The following NMT2 variants were observed in gnomAD, a reference collection of about 807,000 sequenced individuals.
NMT2 encodes glycylpeptide N-tetradecanoyltransferase 2.
In NMT2, 35 loss-of-function variants were observed where a neutral mutation model predicts 65.4. The observed-to-expected ratio is 0.54, with a 90% CI of 0.41 to 0.71. NMT2 has a LOEUF of 0.71. Ranked by LOEUF, NMT2 falls within the 30% of genes least tolerant of loss-of-function variation. The pLI is 0.00. For missense variants in NMT2, 489 were observed against 611.3 expected (o/e 0.80, Z 2.11); for synonymous variants, 226 against 231.8 (o/e 0.98, Z 0.23).
rs1213726863 is a variant in NMT2, at chr10:15,109,205, A to G, written c.1487T>C (p.Val496Ala). The stretch of plus-strand genomic sequence containing the variant: ...AATAAAAATATCCATCTATTGTAGT[A>G]CTAGTCCAACCTGAAGGGAGGGAAG... ...PGTDSEKVGLVLQ is the reference protein window; with the variant it reads ...PGTDSEKVGLALQ Residue 496 changes from valine (V) to alanine (A), a missense_variant, in exon 12 of 12, where the codon GTA (valine) becomes GCA (alanine). Physicochemically the swap from Val to Ala is moderately conservative, Grantham distance 64 (BLOSUM62 0). Coordinates refer to ENST00000378165, the MANE Select transcript of NMT2 (RefSeq NM_004808.3). The G allele has an allele frequency of 1.9e-6, 3 of 1,605,178 alleles. No individual in the cohort carries two copies. In the Admixed American group the frequency reaches 5.2e-5, roughly 28 times the overall value.
At position 15,117,792 on chromosome 10, in the gene NMT2, A is replaced by T. The variant is rs137962779; in HGVS notation, c.1170+1551T>A. 2.3e-3 allele frequency among the ~76,000 whole-genome samples: 358 copies of T among 152,348 alleles called. 2 individuals carry two copies. The highest frequency in any genetic ancestry group is 7.7e-3 in the African/African-American group (320 of 41,584). On this transcript the variant is annotated intron_variant, in intron 9 of 11. Transcript: ENST00000378165. Reference sequence around the variant, plus strand: ...ACACAACACCATTATAATCGCCCCAAAGAAAGTGAAATATCTAGCTATACA... The same window carrying T: ...ACACAACACCATTATAATCGCCCCATAGAAAGTGAAATATCTAGCTATACA...
intron 8 of NMT2, among the ~76,000 whole-genome samples, chr10:15,122,423 CT>C (rs1034503298): frequency 1.3e-3 from 189 of 145,384 alleles, no homozygotes; most frequent in Admixed American, 1.0e-3. Context: ...CTTTTACACT[CT>C]TTTTTTTTTT....
At chr10:15,127,508 C>A (rs191249084) in intron 8 of NMT2, among the ~76,000 whole-genome samples, 5,417 of 123,218 alleles carry the variant, frequency 0.044, 169 homozygotes, top group East Asian at 0.12. Context: ...GATCCCGCCA[C>A]TGCACTCCAG....
intron 3 of NMT2, among the ~76,000 whole-genome samples, chr10:15,134,413 C>T (rs901898397): frequency 3.3e-5 from 5 of 152,206 alleles, no homozygotes; most frequent in Non-Finnish European, 5.9e-5. Context: ...GCCCTCTGGT[C>T]CTCAAGGGAC....
rs186342379 is a variant in NMT2 at position 15,148,975 on chromosome 10, G to A, written c.111-7418C>T. Among the ~76,000 whole-genome samples, 167 of 152,214 alleles carry A rather than the reference G, an allele frequency of 1.1e-3. 3 individuals carry two copies. Among genetic ancestry groups the A allele is most frequent in the Admixed American group, 8.4e-3 (129 of 15,290 alleles). Reference sequence around the variant, plus strand: ...GAATATCAGAAGAACGTGAGGAAAGGGAACACTCACATGCTGTTGGTAAAA... The same window carrying A: ...GAATATCAGAAGAACGTGAGGAAAGAGAACACTCACATGCTGTTGGTAAAA... On this transcript the variant is annotated intron_variant, in intron 1 of 11. Coordinates refer to ENST00000378165, the MANE Select transcript of NMT2 (RefSeq NM_004808.3).
chr10:15,141,443 A>C lies in NMT2; in HGVS notation c.225T>G (p.Ile75Met), dbSNP rs753389856. The C allele has an allele frequency of 6.2e-7, 1 of 1,614,200 alleles. No individual in the cohort carries two copies. The highest frequency in any genetic ancestry group is 1.7e-5 in the Admixed American group (1 of 60,020). ...TCACTTTCGAAGGCTGCTGAATTTT[A>C]ATCTCCTGGGAATCAGATGCCGAGT... The part of the protein sequence containing the change: ...KSDSASDSQE[I>M]KIQQPSKNPS... The change falls in exon 2 of 12, where the codon ATT becomes ATG. Residue 75 changes from isoleucine to methionine, a missense_variant. Coordinates refer to ENST00000378165, the MANE Select transcript of NMT2 (RefSeq NM_004808.3).
chr10:15,112,390 G>GTTA, intron 10 of NMT2, among the ~76,000 whole-genome samples: 1 of 149,872 alleles, frequency 6.7e-6, no homozygotes, highest in Admixed American at 6.7e-5. Flanking sequence ...CACGAAGCCT[G>GTTA]GCTAACTTTT....
intron 2 of NMT2, chr10:15,138,541 T>C: frequency 2.2e-6 from 1 of 460,410 alleles, no homozygotes; most frequent in Non-Finnish European, 4.6e-6. Context: ...TATATTCTCT[T>C]TTTCTTCCAC....
Position 15,168,525 on chromosome 10 carries a change from C to T in NMT2, c.88G>A (p.Glu30Lys). ...DTCGIDGDNEEETEHAKGSPG... is the reference protein window; with the variant it reads ...DTCGIDGDNEKETEHAKGSPG... ...TACCCTTTGGCGTGCTCCGTCTCCTCCTCATTGTCCCCGTCTATCCCGCAC... is the reference window on the plus strand; with the variant it reads ...TACCCTTTGGCGTGCTCCGTCTCCTTCTCATTGTCCCCGTCTATCCCGCAC... The change falls in exon 1 of 12, where the codon GAG (glutamate) becomes AAG (lysine). Residue 30 changes from glutamate to lysine, a missense_variant. Glu to Lys is a moderately conservative substitution (Grantham distance 56, BLOSUM62 1). Coordinates refer to ENST00000378165, the MANE Select transcript of NMT2 (RefSeq NM_004808.3). 1 of 1,589,212 alleles carries T rather than the reference C, an allele frequency of 6.3e-7. No individual in the cohort carries two copies. The highest frequency in any genetic ancestry group is 8.5e-7 in the Non-Finnish European group (1 of 1,170,354).
chr10:15,124,777 T>C (rs908096228), intron 8 of NMT2, among the ~76,000 whole-genome samples: 3 of 152,256 alleles, frequency 2.0e-5, no homozygotes, highest in African/African-American at 7.2e-5. Flanking sequence ...AAGGGACTGC[T>C]GCCAGCACCT....
In NMT2 at chr10:15,130,123, A is replaced by G; in HGVS notation, c.890+19T>C. ...TTTTGATAAAGGGAGGACCTGAGGT[A>G]GAAATATGGTACTGGTACCTGCATG... On this transcript the variant is annotated intron_variant, in intron 7 of 11. Transcript: ENST00000378165. 1 of 1,438,434 alleles carries G rather than the reference A, an allele frequency of 7.0e-7. No homozygotes were observed. 89.1% of individuals were successfully genotyped at this position (1,438,434 alleles called of 1,614,324 possible).
intron 1 of NMT2, chr10:15,155,106 G>C (rs186835808): frequency 6.9e-7 from 1 of 1,446,018 alleles, no homozygotes; most frequent in Non-Finnish European, 9.7e-7. Flanking sequence ...CTTGCCACCA[G>C]TGCCATTATG....
intron 1 of NMT2, among the ~76,000 whole-genome samples, chr10:15,151,154 GT>G (rs1191710279): frequency 1.3e-5 from 2 of 151,466 alleles, no homozygotes. Context: ...CGCCTCCTGG[GT>G]TCAGGCAATT....
chr10:15,130,949 C>A (rs1399253508), intron 6 of NMT2, among the ~76,000 whole-genome samples: 1 of 151,800 alleles, frequency 6.6e-6, no homozygotes, highest in African/African-American at 2.4e-5. Context: ...GCCACCATGC[C>A]CAGCTCATTT....
intron 8 of NMT2, among the ~76,000 whole-genome samples, chr10:15,124,034 A>G (rs546588089): frequency 6.6e-6 from 1 of 152,318 alleles, no homozygotes; most frequent in East Asian, 1.9e-4. Context: ...AAAACCATCT[A>G]ATGCCACTAA....
intron 4 of NMT2, 23 bp from the exon 5 acceptor site, chr10:15,133,167 T>C: frequency 6.2e-7 from 1 of 1,605,232 alleles, no homozygotes; most frequent in Non-Finnish European, 8.5e-7. Context: ...ACAAGTGTCC[T>C]ATCCATGGTG....
chr10:15,146,621 G>A (rs530245132), intron 1 of NMT2, among the ~76,000 whole-genome samples: 6 of 152,308 alleles, frequency 3.9e-5, no homozygotes, highest in South Asian at 2.1e-4. Flanking sequence ...AGAGCCACAC[G>A]ATGGCGCAGT....
intron 1 of NMT2, among the ~76,000 whole-genome samples, chr10:15,144,821 G>T (rs10796262): frequency 0.38 from 57,052 of 151,998 alleles, 13,268 homozygotes; most frequent in African/African-American, 0.67. Context: ...ATGGGGCAGC[G>T]GCTTTGAAAA....
intron 1 of NMT2, among the ~76,000 whole-genome samples, chr10:15,144,176 A>G (rs536182400): frequency 6.6e-6 from 1 of 152,172 alleles, no homozygotes; most frequent in Non-Finnish European, 1.5e-5. Context: ...CTAGTTCAGC[A>G]AGAGTTTTTC....
Sources: allele counts gnomAD v4.1 joint callset (sites outside exome capture counted in the v4.1 genomes callset), GRCh38; gene constraint gnomAD v4.1.1; transcripts MANE v1.5; gene names NCBI Gene and HGNC (gene_info 2026-07-23, HGNC 2026-07-21).